TMEM132D: variants seen among roughly 807,000 people sequenced by gnomAD.
TMEM132D encodes the protein mature OL transmembrane protein.
TMEM132D carries 21 observed loss-of-function variants against 62.3 expected under a neutral mutation model. That is an observed-to-expected ratio of 0.34 (90% CI 0.24 to 0.49). The LOEUF (loss-of-function observed/expected upper bound fraction) is 0.49. TMEM132D is among the 20% of genes least tolerant of loss of function. The probability of loss-of-function intolerance (pLI) is 0.99; values close to 1 mark genes in which losing one functional copy is unlikely to be tolerated. For synonymous variants in TMEM132D, 621 were observed against 575.6 expected (o/e 1.08, Z -1.13); for missense variants, 1,346 against 1,402.8 (o/e 0.96, Z 0.65).
At chr12:129,486,879 C>G (rs768789595) in intron 3 of TMEM132D, among the ~76,000 whole-genome samples, 7 of 151,248 alleles carry the variant, frequency 4.6e-5, no homozygotes, top group Non-Finnish European at 7.4e-5. Flanking sequence ...CAGCCTTGAA[C>G]AAAAAAAAGT....
intron 2 of TMEM132D, among the ~76,000 whole-genome samples, chr12:129,680,178 G>C (rs879423496): frequency 6.6e-6 from 1 of 152,168 alleles, no homozygotes; most frequent in African/African-American, 2.4e-5. Context: ...AAGGGCAAAA[G>C]GTTAGTATTA....
At chr12:129,675,620 T>C (rs886934086) in intron 2 of TMEM132D, among the ~76,000 whole-genome samples, 1 of 152,200 alleles carries the variant, frequency 6.6e-6, no homozygotes, top group Non-Finnish European at 1.5e-5. Context: ...GAAGGAAAAG[T>C]TTCCTCAGGG....
At chr12:129,151,309 G>C (rs1305538434) in intron 5 of TMEM132D, among the ~76,000 whole-genome samples, 7 of 152,192 alleles carry the variant, frequency 4.6e-5, no homozygotes, top group Non-Finnish European at 8.8e-5. Flanking sequence ...AAAGACATTG[G>C]AGAGAAGTGA....
chr12:129,501,055 T>C (rs2137067215), intron 3 of TMEM132D, among the ~76,000 whole-genome samples: 1 of 152,310 alleles, frequency 6.6e-6, no homozygotes, highest in African/African-American at 2.4e-5. Context: ...TTGTCTACGA[T>C]ACCATACATA....
Position 129,167,023 on chromosome 12 carries a change from GT to G in TMEM132D, c.1443+42496del, listed in dbSNP as rs1385950911. On this transcript the variant is annotated intron_variant, in intron 5 of 8. Transcript: ENST00000422113. ...TACTGAAAATACAAAAATTAGGCAT[GT>G]TGGTGCATGCCTGTGGGCCCAGATA... is the stretch of plus-strand genomic sequence containing the variant. Among the ~76,000 whole-genome samples, 21 of 152,118 alleles carry G rather than the reference GT, an allele frequency of 1.4e-4. No individual in the cohort carries two copies. In the East Asian group the frequency reaches 3.7e-3, roughly 27 times the overall value.
At chr12:129,382,175 A>G (rs1241105186) in intron 3 of TMEM132D, among the ~76,000 whole-genome samples, 1 of 152,230 alleles carries the variant, frequency 6.6e-6, no homozygotes, top group Non-Finnish European at 1.5e-5. Flanking sequence ...TCTCACTTCT[A>G]TCTGGTAACC....
chr12:129,155,180 A>C (rs1211112670), intron 5 of TMEM132D, among the ~76,000 whole-genome samples: 1 of 152,242 alleles, frequency 6.6e-6, no homozygotes, highest in African/African-American at 2.4e-5. Context: ...CATCTGATAA[A>C]GGAACTCACT....
intron 2 of TMEM132D, among the ~76,000 whole-genome samples, chr12:129,547,960 G>T (rs1228848745): frequency 2.6e-5 from 4 of 152,072 alleles, no homozygotes; most frequent in Non-Finnish European, 5.9e-5. Flanking sequence ...TCACTGGAGG[G>T]TCTCTGCTGG....
chr12:129,644,365 T>C (rs1879716310), intron 2 of TMEM132D, among the ~76,000 whole-genome samples: 1 of 152,194 alleles, frequency 6.6e-6, no homozygotes, highest in Non-Finnish European at 1.5e-5. Flanking sequence ...CTGAGCAGGC[T>C]TCCTTTGCTC....
chr12:129,903,573 A>C lies in TMEM132D; in HGVS notation c.-234T>G. ...CCGGAGTCCAACACGCGCGCAGGCAAACCCCACCTCCCTCCTTCGACCCCA... is the reference window on the plus strand; with the variant it reads ...CCGGAGTCCAACACGCGCGCAGGCACACCCCACCTCCCTCCTTCGACCCCA... On this transcript the variant is annotated 5_prime_UTR_variant, in exon 1 of 9. Transcript: ENST00000422113. The surrounding 1 kb of genome is among the most constrained non-coding windows in gnomAD (Gnocchi z 6.2). The C allele has an allele frequency of 1.8e-6, 1 of 563,396 alleles. No individual in the cohort carries two copies. The highest frequency in any genetic ancestry group is 3.2e-6 in the Non-Finnish European group (1 of 316,734). 34.9% of individuals were successfully genotyped at this position (563,396 alleles called of 1,614,324 possible).
At chr12:129,539,431 G>C (rs1476624880) in intron 2 of TMEM132D, among the ~76,000 whole-genome samples, 13 of 141,362 alleles carry the variant, frequency 9.2e-5, no homozygotes, top group Non-Finnish European at 4.6e-5. Context: ...TTGAGACGGA[G>C]TCTCACTCTG....
rs550593793 is a variant in TMEM132D, at chr12:129,180,869, T to C, written c.1443+28651A>G. ...TACGAGTCAGGGCCGGGGAGAGCCA[T>C]AGGGGCCAGATGATACTGAGCCTTC... On this transcript the variant is annotated intron_variant, in intron 5 of 8. Coordinates refer to ENST00000422113, the MANE Select transcript of TMEM132D (RefSeq NM_133448.3). Among the ~76,000 whole-genome samples, 11 of 151,800 alleles carry C rather than the reference T, an allele frequency of 7.2e-5. No homozygotes were observed. In the South Asian group the frequency reaches 2.3e-3, roughly 32 times the overall value.
chr12:129,137,696 C>A (rs1301997004), intron 5 of TMEM132D, among the ~76,000 whole-genome samples: 1 of 152,188 alleles, frequency 6.6e-6, no homozygotes, highest in African/African-American at 2.4e-5. Flanking sequence ...CTTCCTGCTT[C>A]ATTCTTCATC....
intron 5 of TMEM132D, among the ~76,000 whole-genome samples, chr12:129,107,623 A>G (rs952548568): frequency 6.6e-6 from 1 of 152,194 alleles, no homozygotes; most frequent in Non-Finnish European, 1.5e-5. Context: ...TCTGCATATT[A>G]AACTACAGTG....
chr12:129,498,670 A>G (rs1875037051), intron 3 of TMEM132D, among the ~76,000 whole-genome samples: 1 of 152,206 alleles, frequency 6.6e-6, no homozygotes, highest in Non-Finnish European at 1.5e-5. Context: ...ATCCAAATAC[A>G]CTTTGGGGCA....
At position 129,510,476 on chromosome 12, in the gene TMEM132D, C is replaced by T. The variant is rs1875465636; in HGVS notation, c.1115+20583G>A. On this transcript the variant is annotated intron_variant, in intron 3 of 8. Coordinates refer to ENST00000422113, the MANE Select transcript of TMEM132D (RefSeq NM_133448.3). ...AGAAGACTTTTAACTTGATGTGATC[C>T]TATCTGTCCGTGTTTGCTTTGGCGT... Among the ~76,000 whole-genome samples, 10 of 152,224 alleles carry T rather than the reference C, an allele frequency of 6.6e-5. No homozygotes were observed. In the South Asian group the frequency reaches 2.1e-3, roughly 32 times the overall value.
intron 1 of TMEM132D, among the ~76,000 whole-genome samples, chr12:129,900,495 G>GT (rs1875317789): frequency 6.6e-6 from 1 of 152,220 alleles, no homozygotes; most frequent in African/African-American, 2.4e-5. Flanking sequence ...CGCTCGCAAT[G>GT]TTGCAGGTCT....
rs562095297 is a variant in TMEM132D, at chr12:129,819,664, A to G, written c.79+83597T>C. Among the ~76,000 whole-genome samples, 4 of 152,184 alleles carry G rather than the reference A, an allele frequency of 2.6e-5. No individual in the cohort carries two copies. In the South Asian group the frequency reaches 8.3e-4, roughly 32 times the overall value. On this transcript the variant is annotated intron_variant, in intron 1 of 8. Coordinates refer to ENST00000422113, the MANE Select transcript of TMEM132D (RefSeq NM_133448.3). ...GAAATTAGCCCTCATCGCTAACGGTATGTGTGGCATGCTCTGCAGTGCCTG... is the reference window on the plus strand; with the variant it reads ...GAAATTAGCCCTCATCGCTAACGGTGTGTGTGGCATGCTCTGCAGTGCCTG...
At chr12:129,598,780 T>C (rs907136037) in intron 2 of TMEM132D, among the ~76,000 whole-genome samples, 1 of 152,184 alleles carries the variant, frequency 6.6e-6, no homozygotes, top group African/African-American at 2.4e-5. Context: ...TTTTCTGCTT[T>C]TCAAGAATTC....
Sources: gnomAD v4.1 joint callset for allele counts (sites outside exome capture counted in the v4.1 genomes callset) on GRCh38, gnomAD v4.1.1 for gene constraint, Gnocchi (gnomAD v3.1) non-coding constraint, MANE v1.5 for transcripts, NCBI Gene and HGNC (gene_info 2026-07-23, HGNC 2026-07-21) for gene names.